STIM2: variants seen among roughly 807,000 people sequenced by gnomAD.
STIM2 encodes stromal interaction molecule 2.
STIM2 carries 31 observed loss-of-function variants against 85.8 expected under a neutral mutation model. That is an observed-to-expected ratio of 0.36 (90% CI 0.27 to 0.49). The LOEUF (loss-of-function observed/expected upper bound fraction) is 0.49. Among genes scored for constraint, STIM2 ranks in the 20% least tolerant of loss-of-function variants. STIM2 has a pLI of 0.98. For missense variants in STIM2, 841 were observed against 927.6 expected (o/e 0.91, Z 1.21); for synonymous variants, 356 against 331.1 (o/e 1.08, Z -0.82).
intron 1 of STIM2, among the ~76,000 whole-genome samples, chr4:26,906,322 G>T (rs996957948): frequency 6.6e-6 from 1 of 152,026 alleles, no homozygotes; most frequent in African/African-American, 2.4e-5. Context: ...CACCTATTGG[G>T]TGCTTTGCCT....
At chr4:26,965,653 A>G (rs542243641) in intron 3 of STIM2, among the ~76,000 whole-genome samples, 7 of 151,714 alleles carry the variant, frequency 4.6e-5, no homozygotes, top group Middle Eastern at 3.4e-3. Context: ...TTTTTGTTTT[A>G]TTATTCTCAG....
chr4:26,932,393 A>G (rs1318397369), intron 2 of STIM2, among the ~76,000 whole-genome samples: 1 of 152,168 alleles, frequency 6.6e-6, no homozygotes, highest in African/African-American at 2.4e-5. Context: ...CTGAAAATTG[A>G]TAATTGCTAC....
intron 3 of STIM2, among the ~76,000 whole-genome samples, chr4:26,973,990 T>G (rs1253155981): frequency 2.0e-5 from 3 of 152,138 alleles, no homozygotes; most frequent in African/African-American, 7.2e-5. Context: ...TACCATTATG[T>G]AACAGCCTTG....
chr4:26,947,367 CGA>C (rs530544561), intron 2 of STIM2, among the ~76,000 whole-genome samples: 1 of 152,126 alleles, frequency 6.6e-6, no homozygotes, highest in East Asian at 1.9e-4. Context: ...AAATTCATAT[CGA>C]AACGTATTAC....
intron 2 of STIM2, among the ~76,000 whole-genome samples, chr4:26,920,028 AG>A (rs986765587): frequency 4.6e-5 from 7 of 152,142 alleles, no homozygotes; most frequent in Non-Finnish European, 8.8e-5. Flanking sequence ...CTGTACCCTT[AG>A]ATATGGGCCG....
At chr4:26,890,596 G>A (rs958976752) in intron 1 of STIM2, among the ~76,000 whole-genome samples, 1 of 151,918 alleles carries the variant, frequency 6.6e-6, no homozygotes, top group African/African-American at 2.4e-5. Flanking sequence ...AGGCCGAGGC[G>A]GGTGGATCAC....
intron 1 of STIM2, among the ~76,000 whole-genome samples, chr4:26,862,718 TATAGAATA>T (rs1279861649): frequency 6.6e-6 from 1 of 152,174 alleles, no homozygotes; most frequent in Non-Finnish European, 1.5e-5. Flanking sequence ...ATAAAGTGAT[TATAGAATA>T]ATCAGTATTA....
In STIM2 at chr4:27,003,030, C is replaced by T. The variant is rs148718801; in HGVS notation, c.907C>T (p.Arg303Trp). Reference sequence around the variant, plus strand: ...CAATTATGCAAAGGAGGAGGCTTGTCGGCTGAGAGAGCTAAGGGAGGGAGC... The same window carrying T: ...CAATTATGCAAAGGAGGAGGCTTGTTGGCTGAGAGAGCTAAGGGAGGGAGC... The change falls in exon 7 of 12, where the codon CGG (arginine) becomes TGG (tryptophan). Residue 303 changes from arginine to tryptophan, a missense_variant. By Grantham distance (101) the Arg-to-Trp change is moderately radical. Around this residue, in one of 3 missense-constraint regions of STIM2, gnomAD observed 408 missense variants for 525.4 expected, o/e 0.78. Transcript: ENST00000467087. 2.2e-5 allele frequency: 35 copies of T among 1,603,160 alleles called. No homozygotes were observed. Among genetic ancestry groups the T allele is most frequent in the African/African-American group, 2.2e-4 (16 of 74,008 alleles).
In STIM2 at chr4:27,023,282, G is replaced by A. The variant is rs944392345; in HGVS notation, c.*286G>A. ...TTATTTCTGCTTTGTTCTCAGTGATGTATATGCAACATTTTGTTGAAAGCC... is the reference window on the plus strand; with the variant it reads ...TTATTTCTGCTTTGTTCTCAGTGATATATATGCAACATTTTGTTGAAAGCC... On this transcript the variant is annotated 3_prime_UTR_variant, in exon 12 of 12. Transcript: ENST00000467087. 25 of 354,804 alleles carry A rather than the reference G, an allele frequency of 7.0e-5. No individual in the cohort carries two copies. The highest frequency in any genetic ancestry group is 1.1e-4 in the Non-Finnish European group (22 of 191,816). 22.0% of individuals were successfully genotyped at this position (354,804 alleles called of 1,614,324 possible). A position where few individuals can be genotyped will look rare whatever the true frequency, so the allele number is the denominator to read the frequency against.
At position 27,003,182 on chromosome 4, in the gene STIM2, A is replaced by G. The variant is rs566984223; in HGVS notation, c.981+78A>G. On this transcript the variant is annotated intron_variant, in intron 7 of 11. Transcript: ENST00000467087. ...GAGGAGCCAGGTCCTGTTTTTCTTC[A>G]GTTTCCTACATTTAGTTCCACTGTA... 33 of 1,365,368 alleles carry G rather than the reference A, an allele frequency of 2.4e-5. No individual in the cohort carries two copies. The African/African-American group carries it at 4.2e-4, about 17-fold the overall frequency. 84.6% of individuals were successfully genotyped at this position (1,365,368 alleles called of 1,614,324 possible).
chr4:26,905,430 A>C (rs1167093609), intron 1 of STIM2, among the ~76,000 whole-genome samples: 1 of 152,184 alleles, frequency 6.6e-6, no homozygotes, highest in Non-Finnish European at 1.5e-5. Flanking sequence ...ACAGTAATCT[A>C]TGCAAGAGGT....
chr4:26,890,741 G>A (rs537661668), intron 1 of STIM2, among the ~76,000 whole-genome samples: 24 of 149,942 alleles, frequency 1.6e-4, no homozygotes, highest in African/African-American at 4.7e-4. Context: ...GGAGAATGGC[G>A]TGAACCCGGG....
chr4:26,887,183 C>CTG (rs1491174287), intron 1 of STIM2, among the ~76,000 whole-genome samples: 3 of 70,944 alleles, frequency 4.2e-5, no homozygotes. Flanking sequence ...AATAATTAAA[C>CTG]TTTTTTTTTT....
chr4:26,869,925 A>G (rs1722549389), intron 1 of STIM2, among the ~76,000 whole-genome samples: 1 of 151,944 alleles, frequency 6.6e-6, no homozygotes, highest in South Asian at 2.1e-4. Context: ...CAATGAATGC[A>G]TAAAGAAAAT....
In STIM2 at chr4:26,953,223, G is replaced by C. The variant is rs537284608; in HGVS notation, c.283-4389G>C. On this transcript the variant is annotated intron_variant, in intron 2 of 11. Transcript: ENST00000467087. Reference sequence around the variant, plus strand: ...ATTGGGAAACCTTACATAAATGTCTGATATTCCCCAAAACATGTATTAAAC... The same window carrying C: ...ATTGGGAAACCTTACATAAATGTCTCATATTCCCCAAAACATGTATTAAAC... Among the ~76,000 whole-genome samples, 8 of 152,272 alleles carry C rather than the reference G, an allele frequency of 5.3e-5. No homozygotes were observed. In the South Asian group the frequency reaches 1.7e-3, roughly 32 times the overall value.
At chr4:26,945,792 G>T (rs1486550588) in intron 2 of STIM2, among the ~76,000 whole-genome samples, 1 of 151,772 alleles carries the variant, frequency 6.6e-6, no homozygotes, top group African/African-American at 2.4e-5. Flanking sequence ...TTTTTAATGG[G>T]GTTTTTTTTT....
intron 2 of STIM2, among the ~76,000 whole-genome samples, chr4:26,923,107 C>T (rs976147439): frequency 2.6e-5 from 4 of 151,100 alleles, no homozygotes; most frequent in African/African-American, 9.8e-5. Flanking sequence ...CACCCCCCAG[C>T]AGGGGCACAC....
chr4:27,013,396 A>C (rs1728627348), intron 10 of STIM2, among the ~76,000 whole-genome samples: 1 of 151,968 alleles, frequency 6.6e-6, no homozygotes, highest in African/African-American at 2.4e-5. Flanking sequence ...GCATAGGAAA[A>C]ACATAGTGTG....
intron 2 of STIM2, among the ~76,000 whole-genome samples, chr4:26,950,675 T>C (rs915990911): frequency 2.6e-5 from 4 of 152,228 alleles, no homozygotes; most frequent in Non-Finnish European, 4.4e-5. Context: ...AATAAACTTA[T>C]GTTCTTTATA....
Sources: allele counts gnomAD v4.1 joint callset (sites outside exome capture counted in the v4.1 genomes callset), GRCh38; gene constraint gnomAD v4.1.1; regional missense constraint gnomAD v4.1.1; transcripts MANE v1.5; gene names NCBI Gene and HGNC (gene_info 2026-07-23, HGNC 2026-07-21).